The following CDK19 variants were observed in gnomAD, a reference collection of about 807,000 sequenced individuals.
CDK19 encodes the protein cyclin dependent kinase 19, also known as cyclin-dependent kinase 19.
Under a neutral mutation model 68.3 loss-of-function variants are expected in CDK19, and 20 were observed. The observed-to-expected ratio is 0.29, with a 90% confidence interval of 0.21 to 0.43. The LOEUF is 0.43. CDK19 is among the 20% of genes least tolerant of loss of function. The pLI, the probability that CDK19 is intolerant of heterozygous loss-of-function variation, is 1.00. For missense variants in CDK19, 339 were observed against 623.5 expected, an observed-to-expected ratio of 0.54 and a Z score of 4.86; for synonymous variants, 221 against 222.8, an observed-to-expected ratio of 0.99 and a Z score of 0.07.
At chr6:110,650,300 G>A (rs1043072431) in intron 4 of CDK19, among the ~76,000 whole-genome samples, 2 of 152,118 alleles carry the variant, frequency 1.3e-5, no homozygotes, top group African/African-American at 4.8e-5. Context: ...GAGCCAGGAG[G>A]ATAGAACAGG....
Position 110,622,369 on chromosome 6 carries a change from T to C in CDK19, c.1032-203A>G, listed in dbSNP as rs548207061. Among the ~76,000 whole-genome samples, 12 of 152,314 alleles carry C rather than the reference T, an allele frequency of 7.9e-5. No individual in the cohort carries two copies. In the South Asian group the frequency reaches 2.5e-3, roughly 32 times the overall value. ...ATACTAACTTCATTAGCGCCAAAAATAACTTAATTTGTATTTGCCTTAACA... is the reference window on the plus strand; with the variant it reads ...ATACTAACTTCATTAGCGCCAAAAACAACTTAATTTGTATTTGCCTTAACA... On this transcript the variant is annotated intron_variant, in intron 10 of 12. Coordinates refer to ENST00000368911, the MANE Select transcript of CDK19 (RefSeq NM_015076.5).
At chr6:110,678,456 AATAGCAACTCC>A (rs1307744772) in intron 2 of CDK19, among the ~76,000 whole-genome samples, 20 of 152,268 alleles carry the variant, frequency 1.3e-4, no homozygotes, top group African/African-American at 4.8e-4. Flanking sequence ...CGCCTCAGTT[AATAGCAACTCC>A]ATCATTGCAG....
At chr6:110,741,801 C>A (rs1274592000) in intron 2 of CDK19, among the ~76,000 whole-genome samples, 1 of 152,226 alleles carries the variant, frequency 6.6e-6, no homozygotes, top group African/African-American at 2.4e-5. Context: ...AATTCTACAT[C>A]CAACAACACT....
At chr6:110,791,458 G>C (rs1276887165) in intron 1 of CDK19, among the ~76,000 whole-genome samples, 1 of 151,986 alleles carries the variant, frequency 6.6e-6, no homozygotes, top group Non-Finnish European at 1.5e-5. Context: ...TATTGGAAAA[G>C]AAGGTTTAGT....
At chr6:110,798,338 T>C (rs1190050990) in intron 1 of CDK19, among the ~76,000 whole-genome samples, 1 of 151,948 alleles carries the variant, frequency 6.6e-6, no homozygotes, top group East Asian at 1.9e-4. Context: ...AAAAAGAAAC[T>C]TCCTGGCCAG....
At chr6:110,720,292 T>G (rs544203177) in intron 2 of CDK19, among the ~76,000 whole-genome samples, 1 of 152,256 alleles carries the variant, frequency 6.6e-6, no homozygotes, top group South Asian at 2.1e-4. Flanking sequence ...TTTAGAGACC[T>G]TAGACAAGAC....
intron 2 of CDK19, among the ~76,000 whole-genome samples, chr6:110,685,051 T>A (rs1347772851): frequency 2.6e-5 from 4 of 152,088 alleles, no homozygotes; most frequent in Non-Finnish European, 5.9e-5. Context: ...GGCAGGAGAA[T>A]CTCTTGAACC....
intron 4 of CDK19, among the ~76,000 whole-genome samples, chr6:110,642,500 G>T (rs1255443208): frequency 1.3e-5 from 2 of 152,106 alleles, no homozygotes; most frequent in Non-Finnish European, 2.9e-5. Context: ...AGTCTAGTGA[G>T]AAGAGAAAGG....
intron 4 of CDK19, among the ~76,000 whole-genome samples, chr6:110,643,640 A>T (rs1035744524): frequency 2.0e-5 from 3 of 152,250 alleles, no homozygotes; most frequent in African/African-American, 7.2e-5. Flanking sequence ...GGAACCCTAC[A>T]GGTAAGGACA....
At chr6:110,619,500 C>G (rs1055340763) in intron 12 of CDK19, among the ~76,000 whole-genome samples, 4 of 151,452 alleles carry the variant, frequency 2.6e-5, no homozygotes, top group Non-Finnish European at 5.9e-5. Flanking sequence ...TTTACAGGGT[C>G]GTGTTGGAGG....
At chr6:110,800,096 C>T (rs1386852077) in intron 1 of CDK19, among the ~76,000 whole-genome samples, 1 of 152,114 alleles carries the variant, frequency 6.6e-6, no homozygotes, top group African/African-American at 2.4e-5. Context: ...TTAGAATCAA[C>T]CCACGGACAA....
intron 2 of CDK19, among the ~76,000 whole-genome samples, chr6:110,682,471 C>T (rs1218423316): frequency 6.6e-6 from 1 of 152,130 alleles, no homozygotes; most frequent in Non-Finnish European, 1.5e-5. Context: ...CTACGACAGG[C>T]CTTTTGGAAG....
chr6:110,717,268 T>C (rs1775480755), intron 2 of CDK19, among the ~76,000 whole-genome samples: 1 of 152,132 alleles, frequency 6.6e-6, no homozygotes, highest in African/African-American at 2.4e-5. Context: ...TTATGAATGA[T>C]ATACTTGGGC....
At chr6:110,744,629 C>T (rs9487505) in intron 2 of CDK19, among the ~76,000 whole-genome samples, 73 of 152,242 alleles carry the variant, frequency 4.8e-4, no homozygotes, top group African/African-American at 1.6e-3. Flanking sequence ...ATTCAAGAAA[C>T]ATTTATAGCA....
In CDK19 at chr6:110,815,231, C is replaced by A; in HGVS notation, c.-95G>T. 7.5e-7 allele frequency: 1 copy of A among 1,334,814 alleles called. No individual in the cohort carries two copies. Among genetic ancestry groups the A allele is most frequent in the Non-Finnish European group, 9.6e-7 (1 of 1,040,290 alleles). 82.7% of individuals were successfully genotyped at this position (1,334,814 alleles called of 1,614,324 possible). A position where few individuals can be genotyped will look rare whatever the true frequency, so the allele number is the denominator to read the frequency against. The stretch of plus-strand genomic sequence containing the variant: ...CGCGACCGCCGCTCCACTTCTCCAA[C>A]AGCCGCCTCTCGCGCGCGCGCGCGC... On this transcript the variant is annotated 5_prime_UTR_variant, in exon 1 of 13. Coordinates refer to ENST00000368911, the MANE Select transcript of CDK19 (RefSeq NM_015076.5).
At chr6:110,735,894 T>TA (rs1777215887) in intron 2 of CDK19, among the ~76,000 whole-genome samples, 1 of 152,224 alleles carries the variant, frequency 6.6e-6, no homozygotes, top group Non-Finnish European at 1.5e-5. Context: ...ATTCAGTTGA[T>TA]ACTGCAGTTA....
intron 1 of CDK19, among the ~76,000 whole-genome samples, chr6:110,797,653 C>T (rs144370376): frequency 1.2e-3 from 184 of 152,280 alleles, no homozygotes; most frequent in African/African-American, 4.1e-3. Flanking sequence ...GCAATAGCTA[C>T]TATAGAAAGG....
At chr6:110,655,482 C>A (rs545025847) in intron 4 of CDK19, among the ~76,000 whole-genome samples, 1 of 152,232 alleles carries the variant, frequency 6.6e-6, no homozygotes, top group African/African-American at 2.4e-5. Context: ...GTAGCCATTA[C>A]CACAGTCACC....
chr6:110,706,089 G>A (rs1401477856), intron 2 of CDK19, among the ~76,000 whole-genome samples: 1 of 152,148 alleles, frequency 6.6e-6, no homozygotes, highest in Non-Finnish European at 1.5e-5. Context: ...GAGTCTTGCT[G>A]TCGCCCAGGC....
Sources: gnomAD v4.1 joint callset for allele counts (sites outside exome capture counted in the v4.1 genomes callset) on GRCh38, gnomAD v4.1.1 for gene constraint, MANE v1.5 for transcripts, NCBI Gene and HGNC (gene_info 2026-07-23, HGNC 2026-07-21) for gene names.